Variants in CCL18 observed in about 807,000 individuals in gnomAD.
CCL18 encodes C-C motif chemokine 18.
Under a neutral mutation model 8.0 loss-of-function variants are expected in CCL18, and 7 were observed. That is an observed-to-expected ratio of 0.87 (90% CI 0.50 to 1.64). CCL18 has a LOEUF of 1.64. CCL18 is among the 40% of genes most tolerant of loss of function. The pLI, the probability that CCL18 is intolerant of heterozygous loss-of-function variation, is 0.00. For synonymous variants in CCL18, 35 were observed against 41.3 expected, an observed-to-expected ratio of 0.85 and a Z score of 0.59; for missense variants, 95 against 107.8, an observed-to-expected ratio of 0.88 and a Z score of 0.52.
rs559201056 is a variant in CCL18, at chr17:36,071,705, T to C, written c.*664T>C. 2 of 152,388 alleles carry C rather than the reference T, an allele frequency of 1.3e-5. No homozygotes were observed. The highest frequency in any genetic ancestry group is 2.9e-5 in the Non-Finnish European group (2 of 68,058). 9.4% of individuals were successfully genotyped at this position (152,388 alleles called of 1,614,324 possible). On this transcript the variant is annotated 3_prime_UTR_variant, in exon 3 of 3. Coordinates refer to ENST00000616054, the MANE Select transcript of CCL18 (RefSeq NM_002988.4). The stretch of plus-strand genomic sequence containing the variant: ...GAAATGTGATAGAAAAATTTTCTAC[T>C]TAAATGAATATCAAGATGACGCTGC...
intron 1 of CCL18, among the ~76,000 whole-genome samples, chr17:36,068,496 C>G (rs775493702): frequency 2.0e-5 from 3 of 152,162 alleles, no homozygotes; most frequent in Non-Finnish European, 2.9e-5. Context: ...CTTTGAGATT[C>G]TAAATGAGTT....
chr17:36,065,467 C>T (rs893540000), intron 1 of CCL18, among the ~76,000 whole-genome samples: 1 of 152,170 alleles, frequency 6.6e-6, no homozygotes. Flanking sequence ...CTCCTTGTCC[C>T]TTGTCCCATG....
At chr17:36,066,495 GA>G (rs1477057764) in intron 1 of CCL18, among the ~76,000 whole-genome samples, 2 of 152,226 alleles carry the variant, frequency 1.3e-5, no homozygotes, top group Non-Finnish European at 2.9e-5. Context: ...GGAGACTGGG[GA>G]TGACCAGAGG....
chr17:36,071,109 G>A lies in CCL18; in HGVS notation c.*68G>A. The A allele has an allele frequency of 9.1e-7, 1 of 1,094,644 alleles. No homozygotes were observed. The highest frequency in any genetic ancestry group is 1.4e-5 in the South Asian group (1 of 72,698). 67.8% of individuals were successfully genotyped at this position (1,094,644 alleles called of 1,614,324 possible). A position where few individuals can be genotyped will look rare whatever the true frequency, so the allele number is the denominator to read the frequency against. On this transcript the variant is annotated 3_prime_UTR_variant, in exon 3 of 3. Coordinates refer to ENST00000616054, the MANE Select transcript of CCL18 (RefSeq NM_002988.4). ...AGGAGGGAACAGGAGCCTGAGCCAG[G>A]GCAATGGCCCTGCCACCCTGGAGGC...
rs14304 is a variant in CCL18 at position 36,071,135 on chromosome 17, T to C, written c.*94T>C. 535,142 of 734,762 alleles carry C rather than the reference T, an allele frequency of 0.73. 197,550 individuals carry two copies. Among genetic ancestry groups the C allele is most frequent in the African/African-American group, 0.94 (53,113 of 56,512 alleles). 45.5% of individuals were successfully genotyped at this position (734,762 alleles called of 1,614,324 possible). Reference sequence around the variant, plus strand: ...GCAATGGCCCTGCCACCCTGGAGGCTACCTCTTCTAAGAGTCCCATCTGCT... The same window carrying C: ...GCAATGGCCCTGCCACCCTGGAGGCCACCTCTTCTAAGAGTCCCATCTGCT... On this transcript the variant is annotated 3_prime_UTR_variant, in exon 3 of 3. Transcript: ENST00000616054.
chr17:36,070,934 TC>T lies in CCL18; in HGVS notation c.180-15del. ...GATGAATTCGTCAGTTCTTAACTCT[TC>T]CTCCCTTCTCCACAGCCTCCTAACC... On this transcript the variant is annotated splice_polypyrimidine_tract_variant and intron_variant, in intron 2 of 2. Coordinates refer to ENST00000616054, the MANE Select transcript of CCL18 (RefSeq NM_002988.4). The T allele has an allele frequency of 5.7e-6, 9 of 1,586,854 alleles. No homozygotes were observed. Among genetic ancestry groups the T allele is most frequent in the Non-Finnish European group, 6.9e-6 (8 of 1,155,186 alleles).
intron 1 of CCL18, among the ~76,000 whole-genome samples, chr17:36,068,355 G>A (rs937161188): frequency 6.6e-6 from 1 of 151,762 alleles, no homozygotes; most frequent in Non-Finnish European, 1.5e-5. Context: ...CTAGGTTTGG[G>A]TACTAGAATT....
chr17:36,067,419 G>T (rs1008049197), intron 1 of CCL18, among the ~76,000 whole-genome samples: 15 of 152,150 alleles, frequency 9.9e-5, no homozygotes, highest in Admixed American at 9.8e-4. Flanking sequence ...AGGTGCAGTG[G>T]CTTACACCTG....
Position 36,071,163 on chromosome 17 carries a change from G to T in CCL18, c.*122G>T. On this transcript the variant is annotated 3_prime_UTR_variant, in exon 3 of 3. Coordinates refer to ENST00000616054, the MANE Select transcript of CCL18 (RefSeq NM_002988.4). ...CTCTTCTAAGAGTCCCATCTGCTAT[G>T]CCCAGCCACATTAACTAACTTTAAT... 1.6e-6 allele frequency: 1 copy of T among 622,812 alleles called. No individual in the cohort carries two copies. Among genetic ancestry groups the T allele is most frequent in the South Asian group, 2.0e-5 (1 of 49,204 alleles). 38.6% of individuals were successfully genotyped at this position (622,812 alleles called of 1,614,324 possible).
chr17:36,069,056 T>C (rs1194716043), intron 1 of CCL18, among the ~76,000 whole-genome samples: 1 of 152,084 alleles, frequency 6.6e-6, no homozygotes, highest in Non-Finnish European at 1.5e-5. Flanking sequence ...GGTCTCACTA[T>C]GTTGCTCAGG....
At chr17:36,064,545 C>T in intron 1 of CCL18, 136 bp downstream of exon 1, 1 of 680,334 alleles carries the variant, frequency 1.5e-6, no homozygotes, top group Middle Eastern at 2.5e-4. Flanking sequence ...TCATTGTTTT[C>T]TTCAAGAAGG....
At chr17:36,069,330 A>G (rs766432384) in intron 1 of CCL18, among the ~76,000 whole-genome samples, 1 of 152,218 alleles carries the variant, frequency 6.6e-6, no homozygotes, top group Non-Finnish European at 1.5e-5. Context: ...CCATTTCCCC[A>G]CCAAGGGATC....
chr17:36,067,473 G>A lies in CCL18; in HGVS notation c.68-2974G>A, dbSNP rs2066843527. Among the ~76,000 whole-genome samples, 7 of 152,252 alleles carry A rather than the reference G, an allele frequency of 4.6e-5. No individual in the cohort carries two copies. In the South Asian group the frequency reaches 1.5e-3, roughly 32 times the overall value. On this transcript the variant is annotated intron_variant, in intron 1 of 2. Transcript: ENST00000616054. ...AGGCCGAGGCAAGCAGATCACCTGAGGTCAGGAGTTCGAGACCAGCCTGGC... is the reference window on the plus strand; with the variant it reads ...AGGCCGAGGCAAGCAGATCACCTGAAGTCAGGAGTTCGAGACCAGCCTGGC...
In CCL18 at chr17:36,071,375, A is replaced by G. The variant is rs1036173038; in HGVS notation, c.*334A>G. Reference sequence around the variant, plus strand: ...TAGCTTTCTCAGCAGACATTGTGCCATATGTATCAAATGACAAATCTTTAT... The same window carrying G: ...TAGCTTTCTCAGCAGACATTGTGCCGTATGTATCAAATGACAAATCTTTAT... On this transcript the variant is annotated 3_prime_UTR_variant, in exon 3 of 3. Coordinates refer to ENST00000616054, the MANE Select transcript of CCL18 (RefSeq NM_002988.4). The G allele has an allele frequency of 8.1e-6, 2 of 245,744 alleles. No individual in the cohort carries two copies. The highest frequency in any genetic ancestry group is 1.3e-3 in the Middle Eastern group (1 of 764). The allele number at this position is 245,744 out of a possible 1,614,324, so 15.2% of individuals were successfully genotyped here.
chr17:36,067,682 A>T (rs751281168), intron 1 of CCL18, among the ~76,000 whole-genome samples: 4 of 152,160 alleles, frequency 2.6e-5, no homozygotes, highest in Non-Finnish European at 5.9e-5. Context: ...GTGAGACTCC[A>T]TCTAAAAAAA....
At position 36,071,390 on chromosome 17, in the gene CCL18, C is replaced by T; in HGVS notation, c.*349C>T. The T allele has an allele frequency of 4.6e-6, 1 of 215,990 alleles. No homozygotes were observed. The highest frequency in any genetic ancestry group is 9.2e-6 in the Non-Finnish European group (1 of 108,700). 13.4% of individuals were successfully genotyped at this position (215,990 alleles called of 1,614,324 possible). ...ACATTGTGCCATATGTATCAAATGA[C>T]AAATCTTTATTGAATGGTTTTGCTC... On this transcript the variant is annotated 3_prime_UTR_variant, in exon 3 of 3. Coordinates refer to ENST00000616054, the MANE Select transcript of CCL18 (RefSeq NM_002988.4).
intron 1 of CCL18, 36 bp from the exon 2 acceptor site, chr17:36,070,411 C>T (rs202027333): frequency 1.5e-6 from 2 of 1,338,972 alleles, no homozygotes; most frequent in African/African-American, 2.9e-5. Context: ...GCCTTGTGAA[C>T]AATGACTTGG....
At chr17:36,069,083 G>T (rs1224961516) in intron 1 of CCL18, among the ~76,000 whole-genome samples, 1 of 152,056 alleles carries the variant, frequency 6.6e-6, no homozygotes, top group Non-Finnish European at 1.5e-5. Flanking sequence ...TCACACTCTT[G>T]GCTTCAAGCA....
chr17:36,069,149 C>G (rs1298164647), intron 1 of CCL18, among the ~76,000 whole-genome samples: 2 of 152,194 alleles, frequency 1.3e-5, no homozygotes, highest in Admixed American at 6.5e-5. Context: ...GCCACCATGC[C>G]TGGCTCTGAT....
Sources: gnomAD v4.1 joint callset for allele counts (sites outside exome capture counted in the v4.1 genomes callset) on GRCh38, gnomAD v4.1.1 for gene constraint, MANE v1.5 for transcripts, NCBI Gene and HGNC (gene_info 2026-07-23, HGNC 2026-07-21) for gene names.